NXF2: variants seen among roughly 807,000 people sequenced by gnomAD.
The protein encoded by NXF2 is TAP-like protein 2.
chrX:102,298,698 GCTCC>G (rs1294195433), intron 2 of NXF2, among the ~76,000 whole-genome samples: 1 of 113,981 alleles, frequency 8.8e-6, no homozygotes, highest in Non-Finnish European at 1.9e-5. Context: ...GCACTCAGCT[GCTCC>G]CACAGTGCTA....
At chrX:102,282,487 C>T (rs782135316) in intron 2 of NXF2, among the ~76,000 whole-genome samples, 86 of 101,589 alleles carry the variant, frequency 8.5e-4, no homozygotes, top group Admixed American at 1.8e-3. Context: ...AGGTTTTGGC[C>T]TTTGAGTAGG....
intron 2 of NXF2, among the ~76,000 whole-genome samples, chrX:102,281,722 C>T (rs1390745554): frequency 1.2e-5 from 1 of 85,803 alleles, no homozygotes; most frequent in African/African-American, 4.2e-5. Flanking sequence ...CTCAGTATGT[C>T]GTGTGACCCC....
chrX:102,281,731 C>A (rs1466396931), intron 2 of NXF2, among the ~76,000 whole-genome samples: 3 of 78,191 alleles, frequency 3.8e-5, no homozygotes, highest in Non-Finnish European at 4.8e-5. Flanking sequence ...TCGTGTGACC[C>A]CCCCCCTCCC....
intron 2 of NXF2, among the ~76,000 whole-genome samples, chrX:102,288,996 C>CT (rs1166018041): frequency 2.6e-5 from 1 of 38,823 alleles, no homozygotes; most frequent in African/African-American, 1.3e-4. Flanking sequence ...TCTTTCTTTT[C>CT]TTTTTTTTTT....
chrX:102,293,994 A>AGG (rs1262317911), intron 2 of NXF2, among the ~76,000 whole-genome samples: 1 of 69,609 alleles, frequency 1.4e-5, no homozygotes, highest in African/African-American at 7.1e-5. Context: ...AGCTGCACCC[A>AGG]GGGGTGACCT....
At chrX:102,288,907 T>C (rs1236385083) in intron 2 of NXF2, among the ~76,000 whole-genome samples, 1 of 18,276 alleles carries the variant, frequency 5.5e-5, no homozygotes, top group Non-Finnish European at 8.7e-5. Context: ...TGGTATCTCA[T>C]TGTGGTTTTA....
At chrX:102,294,393 TTCAGTCA>T (rs1317233434) in intron 2 of NXF2, among the ~76,000 whole-genome samples, 9 of 92,923 alleles carry the variant, frequency 9.7e-5, no homozygotes, top group African/African-American at 3.3e-4. Context: ...AGTCTGAGGA[TTCAGTCA>T]TCAGAATCTC....
At chrX:102,251,404 G>T in intron 2 of NXF2, among the ~76,000 whole-genome samples, 1 of 33,337 alleles carries the variant, frequency 3.0e-5, no homozygotes, top group Admixed American at 2.8e-4. Flanking sequence ...TAGGATTATT[G>T]GGCCAAAAGT....
chrX:102,281,744 G>A (rs1320758867), intron 2 of NXF2, among the ~76,000 whole-genome samples: 3 of 33,149 alleles, frequency 9.1e-5, no homozygotes, highest in African/African-American at 1.2e-4. Context: ...CCCCTCCCCC[G>A]ACCCCTGGTC....
intron 2 of NXF2, among the ~76,000 whole-genome samples, chrX:102,298,844 A>G (rs1351873819): frequency 9.0e-6 from 1 of 110,669 alleles, no homozygotes; most frequent in East Asian, 2.9e-4. Context: ...GTCAAGTATC[A>G]TGAAGTAAAA....
intron 2 of NXF2, among the ~76,000 whole-genome samples, chrX:102,299,012 C>T (rs782733661): frequency 2.8e-5 from 2 of 71,720 alleles, no homozygotes; most frequent in Admixed American, 1.7e-4. Context: ...GAAAGACTAA[C>T]TCAAGCTAAT....
intron 2 of NXF2, among the ~76,000 whole-genome samples, chrX:102,293,969 GAT>G (rs1259176681): frequency 4.5e-5 from 3 of 67,033 alleles, no homozygotes; most frequent in Admixed American, 1.7e-4. Context: ...TTCAAGCATG[GAT>G]ATGACTCTAC....
chrX:102,288,882 C>G (rs1464328642), intron 2 of NXF2, among the ~76,000 whole-genome samples: 1 of 11,954 alleles, frequency 8.4e-5, no homozygotes, highest in Non-Finnish European at 1.2e-4. Context: ...TATGGCCATT[C>G]TTGCCGGAGT....
At chrX:102,251,902 C>G (rs1426014831) in intron 2 of NXF2, among the ~76,000 whole-genome samples, 2 of 113,136 alleles carry the variant, frequency 1.8e-5, no homozygotes, top group African/African-American at 6.4e-5. Context: ...TTATTTTTTT[C>G]TTTCATTGCC....
chrX:102,294,364 T>G (rs1933993258), intron 2 of NXF2, among the ~76,000 whole-genome samples: 1 of 93,006 alleles, frequency 1.1e-5, no homozygotes, highest in Non-Finnish European at 2.1e-5. Context: ...AGATCCTTGA[T>G]GTGCTGATCA....
intron 2 of NXF2, among the ~76,000 whole-genome samples, chrX:102,282,036 T>A (rs1233457925): frequency 3.8e-5 from 2 of 53,276 alleles, no homozygotes; most frequent in South Asian, 1.4e-3. Flanking sequence ...GCCAGGATGG[T>A]CTCGATCTCC....
At chrX:102,281,735 C>T (rs1269065718) in intron 2 of NXF2, among the ~76,000 whole-genome samples, 1 of 78,186 alleles carries the variant, frequency 1.3e-5, no homozygotes, top group African/African-American at 4.7e-5. Context: ...GTGACCCCCC[C>T]CCTCCCCCGA....
intron 2 of NXF2, among the ~76,000 whole-genome samples, chrX:102,281,803 G>C (rs782337492): frequency 7.2e-4 from 54 of 75,397 alleles, no homozygotes; most frequent in South Asian, 1.1e-3. Flanking sequence ...AAGAGTTGCA[G>C]TTCTTTTTTT....
At chrX:102,282,274 TG>T (rs1187844817) in intron 2 of NXF2, among the ~76,000 whole-genome samples, 18 of 112,025 alleles carry the variant, frequency 1.6e-4, no homozygotes, top group African/African-American at 5.8e-4. Flanking sequence ...CTCCCTCTGT[TG>T]GGGGGGCATG....
Sources: gnomAD v4.1 joint callset for allele counts (sites outside exome capture counted in the v4.1 genomes callset) on GRCh38, gnomAD v4.1.1 for gene constraint, MANE v1.5 for transcripts, NCBI Gene and HGNC (gene_info 2026-07-23, HGNC 2026-07-21) for gene names.